Variants in SMAD6 observed in about 807,000 individuals in gnomAD.
SMAD6 encodes the protein SMAD family member 6, also known as MAD homolog 6.
In SMAD6, 103 loss-of-function variants were observed where a neutral mutation model predicts 39.4. That is an observed-to-expected ratio of 2.62 (90% CI 2.23 to 3.08). SMAD6 has a LOEUF of 3.08. Ranked by LOEUF, SMAD6 falls within the 30% of genes most tolerant of loss-of-function variation. The pLI is 0.00. For synonymous variants in SMAD6, 445 were observed against 353.3 expected, an observed-to-expected ratio of 1.26 and a Z score of -2.91; for missense variants, 1,104 against 742.9, an observed-to-expected ratio of 1.49 and a Z score of -5.65.
intron 3 of SMAD6, among the ~76,000 whole-genome samples, chr15:66,758,525 T>C (rs373990193): frequency 1.3e-5 from 2 of 152,146 alleles, no homozygotes; most frequent in East Asian, 3.9e-4. Context: ...GTCAGGAGTT[T>C]GAGACAAGCC....
Position 66,750,962 on chromosome 15 carries a change from G to A in SMAD6, c.953-30035G>A, listed in dbSNP as rs575539831. On this transcript the variant is annotated intron_variant, in intron 3 of 3. Coordinates refer to ENST00000288840, the MANE Select transcript of SMAD6 (RefSeq NM_005585.5). ...GCTGAGGGGATGTGAGCAGAGCGCC[G>A]GCAGAGGTGTTTGCTGGGCCTCCAC... is the stretch of plus-strand genomic sequence containing the variant. Among the ~76,000 whole-genome samples the A allele has an allele frequency of 5.3e-4, 81 of 152,202 alleles. No homozygotes were observed. The South Asian group carries it at 0.016, about 29-fold the overall frequency.
chr15:66,776,252 T>TGGGCCATGACCCC (rs1894466335), intron 3 of SMAD6, among the ~76,000 whole-genome samples: 1 of 152,194 alleles, frequency 6.6e-6, no homozygotes, highest in African/African-American at 2.4e-5. Context: ...GCAGTGACCC[T>TGGGCCATGACCCC]GGGCCATGAC....
intron 3 of SMAD6, among the ~76,000 whole-genome samples, chr15:66,775,973 C>G (rs1000172185): frequency 2.0e-5 from 3 of 152,202 alleles, no homozygotes; most frequent in Non-Finnish European, 1.5e-5. Flanking sequence ...GGGTGCCCAC[C>G]TTCTCACTCA....
chr15:66,781,206 G>T lies in SMAD6; in HGVS notation c.1162G>T (p.Gly388Cys). 1 of 1,608,434 alleles carries T rather than the reference G, an allele frequency of 6.2e-7. No individual in the cohort carries two copies. The change falls in exon 4 of 4, where the codon GGC (glycine) becomes TGC (cysteine). Residue 388 changes from glycine to cysteine, a missense_variant. Physicochemically the swap from Gly to Cys is radical, Grantham distance 159 (BLOSUM62 -3). Coordinates refer to ENST00000288840, the MANE Select transcript of SMAD6 (RefSeq NM_005585.5). ...ESVRRTRSKI[G>C]FGILLSKEPD... ...GGTGCGGCGAACGCGCAGCAAGATC[G>T]GCTTCGGCATCCTGCTCAGCAAGGA...
intron 3 of SMAD6, among the ~76,000 whole-genome samples, chr15:66,760,176 T>C (rs1044086495): frequency 4.7e-5 from 7 of 149,878 alleles, no homozygotes; most frequent in Non-Finnish European, 1.0e-4. Flanking sequence ...GTGATGTCTC[T>C]GTGTTCCTTG....
At chr15:66,745,850 A>G (rs1448119417) in intron 3 of SMAD6, among the ~76,000 whole-genome samples, 2 of 152,146 alleles carry the variant, frequency 1.3e-5, no homozygotes, top group African/African-American at 2.4e-5. Flanking sequence ...CTCTTTCTAG[A>G]TAAGAACCAC....
chr15:66,728,670 G>A (rs994489684), intron 3 of SMAD6, among the ~76,000 whole-genome samples: 4 of 152,256 alleles, frequency 2.6e-5, no homozygotes, highest in East Asian at 3.9e-4. Context: ...CTCGCAAAGC[G>A]CTGGGATTAC....
In SMAD6 at chr15:66,703,475, G is replaced by T. The variant is rs1893025235; in HGVS notation, c.217G>T (p.Gly73Ter). ...CCCGCGGCGGCCCCGGGACGCAGTG[G>T]GACAGCGAGGCGCCCAGGGCGCGGG... ...VAPRRPRDAV[G>*]QRGAQGAGRR... The change falls in exon 1 of 4, where the codon GGA becomes TGA. Residue 73 changes from glycine (G) to a stop codon, truncating the protein, a stop_gained. Transcript: ENST00000288840. LOFTEE classifies it high-confidence loss of function. 1 of 1,240,886 alleles carries T rather than the reference G, an allele frequency of 8.1e-7. No individual in the cohort carries two copies. Among genetic ancestry groups the T allele is most frequent in the Non-Finnish European group, 1.0e-6 (1 of 988,362 alleles). The allele number at this position is 1,240,886 out of a possible 1,614,324, so 76.9% of individuals were successfully genotyped here.
intron 3 of SMAD6, among the ~76,000 whole-genome samples, chr15:66,721,646 C>G (rs1893434118): frequency 6.6e-6 from 1 of 152,178 alleles, no homozygotes; most frequent in Non-Finnish European, 1.5e-5. Flanking sequence ...CAACATATCC[C>G]TAGTGGTGAG....
chr15:66,738,877 A>G (rs923195880), intron 3 of SMAD6, among the ~76,000 whole-genome samples: 24 of 151,988 alleles, frequency 1.6e-4, no homozygotes, highest in African/African-American at 5.6e-4. Context: ...TCTTTGAGTC[A>G]CTGCAGTGCA....
chr15:66,731,845 G>C (rs1284745499), intron 3 of SMAD6, among the ~76,000 whole-genome samples: 1 of 152,054 alleles, frequency 6.6e-6, no homozygotes, highest in African/African-American at 2.4e-5. Context: ...AGCAGTATAT[G>C]AGAATTCTAG....
At chr15:66,759,654 G>C (rs1458342913) in intron 3 of SMAD6, among the ~76,000 whole-genome samples, 1 of 152,182 alleles carries the variant, frequency 6.6e-6, no homozygotes, top group Non-Finnish European at 1.5e-5. Flanking sequence ...TTTTAAACTA[G>C]AGTGATCTGT....
rs770362322 is a variant in SMAD6 at position 66,703,349 on chromosome 15, G to A, written c.91G>A (p.Gly31Ser). 23 of 1,482,048 alleles carry A rather than the reference G, an allele frequency of 1.6e-5. No homozygotes were observed. In the African/African-American group the frequency reaches 3.1e-4, roughly 20 times the overall value. 91.8% of individuals were successfully genotyped at this position (1,482,048 alleles called of 1,614,324 possible). A position where few individuals can be genotyped will look rare whatever the true frequency, so the allele number is the denominator to read the frequency against. ...DREEGGSGGGGGGDEDGSLGS... is the reference protein window; with the variant it reads ...DREEGGSGGGSGGDEDGSLGS... Reference sequence around the variant, plus strand: ...GGAGGAAGGCGGCAGCGGCGGCGGCGGTGGCGGCGACGAGGATGGGAGCTT... The same window carrying A: ...GGAGGAAGGCGGCAGCGGCGGCGGCAGTGGCGGCGACGAGGATGGGAGCTT... The change falls in exon 1 of 4, where the codon GGT (glycine) becomes AGT (serine). Residue 31 changes from glycine (G) to serine (S), a missense_variant. By Grantham distance (56) the Gly-to-Ser change is moderately conservative. Coordinates refer to ENST00000288840, the MANE Select transcript of SMAD6 (RefSeq NM_005585.5).
Position 66,703,944 on chromosome 15 carries a change from T to G in SMAD6, c.686T>G (p.Leu229Arg), listed in dbSNP as rs1376394636. 1 of 1,388,554 alleles carries G rather than the reference T, an allele frequency of 7.2e-7. No individual in the cohort carries two copies. The highest frequency in any genetic ancestry group is 9.4e-7 in the Non-Finnish European group (1 of 1,069,132). 86.0% of individuals were successfully genotyped at this position (1,388,554 alleles called of 1,614,324 possible). The part of the protein sequence containing the change: ...PAPPQLLLGR[L>R]FRWPDLQHAV... ...CCGCCGCAGCTGCTGCTCGGCCGCC[T>G]CTTTCGCTGGCCCGACCTGCAGCAC... Residue 229 changes from leucine to arginine, a missense_variant, in exon 1 of 4, where the codon CTC (leucine) becomes CGC (arginine). Coordinates refer to ENST00000288840, the MANE Select transcript of SMAD6 (RefSeq NM_005585.5).
intron 3 of SMAD6, among the ~76,000 whole-genome samples, chr15:66,720,530 G>A (rs944512533): frequency 1.3e-5 from 2 of 152,136 alleles, no homozygotes; most frequent in Non-Finnish European, 2.9e-5. Context: ...GGCTGGAGGC[G>A]GCACACTGGG....
chr15:66,753,677 C>T (rs1435822154), intron 3 of SMAD6, among the ~76,000 whole-genome samples: 1 of 152,226 alleles, frequency 6.6e-6, no homozygotes, highest in Non-Finnish European at 1.5e-5. Flanking sequence ...TTGCTCCCCA[C>T]CTTGCGCACC....
At chr15:66,769,677 T>G (rs546504975) in intron 3 of SMAD6, among the ~76,000 whole-genome samples, 1 of 152,278 alleles carries the variant, frequency 6.6e-6, no homozygotes, top group Admixed American at 6.5e-5. Flanking sequence ...TTTTAGGTAC[T>G]TTGCTTTTAT....
At chr15:66,758,705 G>A (rs992557941) in intron 3 of SMAD6, among the ~76,000 whole-genome samples, 9 of 150,998 alleles carry the variant, frequency 6.0e-5, no homozygotes, top group African/African-American at 2.2e-4. Flanking sequence ...TCCAGCCTGG[G>A]TGACAGAGTG....
At chr15:66,755,138 G>T (rs571167304) in intron 3 of SMAD6, among the ~76,000 whole-genome samples, 3 of 152,152 alleles carry the variant, frequency 2.0e-5, no homozygotes, top group Non-Finnish European at 2.9e-5. Flanking sequence ...TGGTTCCAGT[G>T]CTGTCTTTAC....
Sources: gnomAD v4.1 joint callset for allele counts (sites outside exome capture counted in the v4.1 genomes callset) on GRCh38, gnomAD v4.1.1 for gene constraint, MANE v1.5 for transcripts, NCBI Gene and HGNC (gene_info 2026-07-23, HGNC 2026-07-21) for gene names.